Variants in PRKCE observed in about 807,000 individuals in gnomAD.
PRKCE encodes the protein protein kinase C epsilon.
PRKCE carries 16 observed loss-of-function variants against 85.4 expected under a neutral mutation model. That is an observed-to-expected ratio of 0.19 (90% confidence interval 0.13 to 0.28). The LOEUF is 0.28. Ranked by LOEUF, PRKCE falls within the 10% of genes least tolerant of loss-of-function variation. The pLI is 1.00. For synonymous variants in PRKCE, 388 were observed against 371.5 expected (o/e 1.04, Z -0.51); for missense variants, 573 against 975.2 (o/e 0.59, Z 5.49).
At chr2:45,891,479 C>T (rs1695717204) in intron 2 of PRKCE, among the ~76,000 whole-genome samples, 1 of 152,194 alleles carries the variant, frequency 6.6e-6, no homozygotes, top group African/African-American at 2.4e-5. Flanking sequence ...TACTGAATGC[C>T]TTCTCTGGGA....
intron 1 of PRKCE, among the ~76,000 whole-genome samples, chr2:45,798,601 T>C (rs1016419987): frequency 1.3e-5 from 2 of 152,226 alleles, no homozygotes; most frequent in Non-Finnish European, 2.9e-5. Flanking sequence ...GCCAGAGTTT[T>C]ATATGATTGA....
chr2:45,789,432 G>C (rs1686863696), intron 1 of PRKCE, among the ~76,000 whole-genome samples: 1 of 152,162 alleles, frequency 6.6e-6, no homozygotes, highest in African/African-American at 2.4e-5. Context: ...TGAGACCTTG[G>C]CTCTACAAAA....
At chr2:45,800,184 A>G (rs1027050922) in intron 1 of PRKCE, among the ~76,000 whole-genome samples, 9 of 152,254 alleles carry the variant, frequency 5.9e-5, no homozygotes, top group African/African-American at 2.2e-4. Context: ...AAGCAAAGGC[A>G]TGGAGCAGTA....
intron 2 of PRKCE, among the ~76,000 whole-genome samples, chr2:45,961,533 T>G (rs1701377527): frequency 6.6e-6 from 1 of 152,186 alleles, no homozygotes. Flanking sequence ...TTGGCACATT[T>G]CACACCCTTT....
chr2:46,097,727 C>T (rs3768757), intron 11 of PRKCE, among the ~76,000 whole-genome samples: 78,735 of 151,852 alleles, frequency 0.52, 23,042 homozygotes, highest in Non-Finnish European at 0.67. Flanking sequence ...AGATGAAGAG[C>T]TTGTCCCCTA....
chr2:45,788,424 A>G (rs1686782432), intron 1 of PRKCE, among the ~76,000 whole-genome samples: 1 of 152,220 alleles, frequency 6.6e-6, no homozygotes, highest in South Asian at 2.1e-4. Flanking sequence ...TTGTCCCTTC[A>G]TTAGAGAATC....
At chr2:46,005,601 C>A (rs1170804369) in intron 8 of PRKCE, among the ~76,000 whole-genome samples, 4 of 152,114 alleles carry the variant, frequency 2.6e-5, no homozygotes, top group African/African-American at 9.6e-5. Flanking sequence ...AAGACTGTAC[C>A]CATGCTGGCT....
intron 13 of PRKCE, among the ~76,000 whole-genome samples, chr2:46,154,536 T>C (rs1181906338): frequency 6.9e-6 from 1 of 145,702 alleles, no homozygotes; most frequent in Admixed American, 7.0e-5. Context: ...GACCCCTGCC[T>C]TGGAGCCTCC....
chr2:45,680,604 C>G (rs184508617), intron 1 of PRKCE, among the ~76,000 whole-genome samples: 1 of 152,298 alleles, frequency 6.6e-6, no homozygotes, highest in African/African-American at 2.4e-5. Context: ...CGACTTCTGC[C>G]AGTAGGCTAA....
At chr2:46,078,285 A>G (rs1223828678) in intron 10 of PRKCE, 1 of 151,742 alleles carries the variant, frequency 6.6e-6, no homozygotes, top group East Asian at 1.9e-4. Context: ...TCCCAGCACT[A>G]TAAGAGGCTG....
chr2:45,719,941 G>GACA (rs754593202), intron 1 of PRKCE, among the ~76,000 whole-genome samples: 9 of 151,998 alleles, frequency 5.9e-5, no homozygotes, highest in Non-Finnish European at 1.0e-4. Context: ...CAACAACAAC[G>GACA]ACAACAACAA....
At chr2:45,802,715 G>C (rs1489086474) in intron 1 of PRKCE, among the ~76,000 whole-genome samples, 1 of 152,228 alleles carries the variant, frequency 6.6e-6, no homozygotes, top group Non-Finnish European at 1.5e-5. Flanking sequence ...AAAGCAGAAA[G>C]GCTGGAATAC....
chr2:45,960,831 C>T (rs1701324683), intron 2 of PRKCE, among the ~76,000 whole-genome samples: 1 of 152,216 alleles, frequency 6.6e-6, no homozygotes, highest in Non-Finnish European at 1.5e-5. Flanking sequence ...CCTCACTCTC[C>T]TTGCAGTTCC....
rs571932040 is a variant in PRKCE, at chr2:46,000,516, G to A, written c.824-888G>A. Among the ~76,000 whole-genome samples, 25 of 151,442 alleles carry A rather than the reference G, an allele frequency of 1.7e-4. No individual in the cohort carries two copies. In the East Asian group the frequency reaches 3.7e-3, roughly 22 times the overall value. On this transcript the variant is annotated intron_variant, in intron 6 of 14. Coordinates refer to ENST00000306156, the MANE Select transcript of PRKCE (RefSeq NM_005400.3). ...ATAGTTTCTCCTAAGAGAAGCCCTC[G>A]TTAAGAAGAGCAGAGTGCTCTGGGC...
chr2:45,952,088 C>G lies in PRKCE; in HGVS notation c.413-24341C>G, dbSNP rs532309318. The stretch of plus-strand genomic sequence containing the variant: ...CGTCAAGTGATCTACCCGCCTCGGC[C>G]TCCCAAAGTGCTGGGATCACAGGCA... On this transcript the variant is annotated intron_variant, in intron 2 of 14. Coordinates refer to ENST00000306156, the MANE Select transcript of PRKCE (RefSeq NM_005400.3). Among the ~76,000 whole-genome samples the G allele has an allele frequency of 7.2e-5, 11 of 152,352 alleles. No homozygotes were observed. The East Asian group carries it at 2.1e-3, about 29-fold the overall frequency.
intron 1 of PRKCE, among the ~76,000 whole-genome samples, chr2:45,660,204 T>A (rs1675575026): frequency 6.6e-6 from 1 of 152,214 alleles, no homozygotes; most frequent in Non-Finnish European, 1.5e-5. Context: ...GGCATCTCGA[T>A]AGAAACCAGT....
chr2:46,182,710 T>C (rs1238837537), intron 14 of PRKCE, among the ~76,000 whole-genome samples: 1 of 152,194 alleles, frequency 6.6e-6, no homozygotes, highest in Non-Finnish European at 1.5e-5. Context: ...GATTTCAACC[T>C]GGGACGAGTT....
intron 1 of PRKCE, among the ~76,000 whole-genome samples, chr2:45,824,814 T>A (rs1367848802): frequency 6.6e-6 from 1 of 152,202 alleles, no homozygotes; most frequent in Non-Finnish European, 1.5e-5. Flanking sequence ...CTTATCTGTT[T>A]ATGAATGAAG....
At chr2:45,961,239 C>A (rs977027750) in intron 2 of PRKCE, among the ~76,000 whole-genome samples, 4 of 152,204 alleles carry the variant, frequency 2.6e-5, no homozygotes, top group Non-Finnish European at 4.4e-5. Flanking sequence ...CCTCCTTTCC[C>A]CCCCCGATTT....
Sources: gnomAD v4.1 joint callset for allele counts (sites outside exome capture counted in the v4.1 genomes callset) on GRCh38, gnomAD v4.1.1 for gene constraint, MANE v1.5 for transcripts, NCBI Gene and HGNC (gene_info 2026-07-23, HGNC 2026-07-21) for gene names.